Variants in ACOXL observed in about 807,000 individuals in gnomAD.
ACOXL encodes the protein acyl-CoA oxidase like.
In ACOXL, 70 loss-of-function variants were observed where a neutral mutation model predicts 71.9. That is an observed-to-expected ratio of 0.97 (90% CI 0.80 to 1.19). The LOEUF (loss-of-function observed/expected upper bound fraction) is 1.19, where lower values mean the gene tolerates loss of function less well. Ranked by LOEUF, ACOXL falls within the 50% of genes most tolerant of loss-of-function variation. The pLI is 0.00. For synonymous variants in ACOXL, 253 were observed against 281.6 expected (o/e 0.90, Z 1.02); for missense variants, 703 against 736.3 (o/e 0.95, Z 0.52).
Position 110,779,183 on chromosome 2 carries a change from C to T in ACOXL, c.76-5549C>T, listed in dbSNP as rs113244189. Among the ~76,000 whole-genome samples, 80 of 152,336 alleles carry T rather than the reference C, an allele frequency of 5.3e-4. 1 individual carries two copies. Among genetic ancestry groups the T allele is most frequent in the African/African-American group, 1.8e-3 (74 of 41,580 alleles). On this transcript the variant is annotated intron_variant, in intron 2 of 17. Transcript: ENST00000439055. ...CACCTTTCATCAATCCTGCACTGGG[C>T]TTTCCTGGAGTAGTCAAAGGCCCTT...
chr2:111,066,318 T>C (rs1303770302), intron 16 of ACOXL, among the ~76,000 whole-genome samples: 1 of 152,182 alleles, frequency 6.6e-6, no homozygotes, highest in Non-Finnish European at 1.5e-5. Flanking sequence ...ATACCAGTCT[T>C]GATATGACAA....
Position 110,888,415 on chromosome 2 carries a change from C to T in ACOXL, c.789-20374C>T, listed in dbSNP as rs1278510471. On this transcript the variant is annotated intron_variant, in intron 10 of 17. Transcript: ENST00000439055. Reference sequence around the variant, plus strand: ...CCCCGTGGATGCACCCAGCAGAGGCCCCACATGTGGCAGATAGAGTGTTGC... The same window carrying T: ...CCCCGTGGATGCACCCAGCAGAGGCTCCACATGTGGCAGATAGAGTGTTGC... 3.9e-5 allele frequency among the ~76,000 whole-genome samples: 6 copies of T among 152,062 alleles called. No individual in the cohort carries two copies. In the South Asian group the frequency reaches 1.0e-3, roughly 26 times the overall value.
chr2:111,020,315 C>T (rs774604859), intron 14 of ACOXL, among the ~76,000 whole-genome samples: 7 of 152,146 alleles, frequency 4.6e-5, no homozygotes, highest in Admixed American at 2.6e-4. Flanking sequence ...GTCAGAGCAG[C>T]GCTCGCATGG....
chr2:111,064,758 A>G (rs1022010662), intron 16 of ACOXL, among the ~76,000 whole-genome samples: 23 of 152,238 alleles, frequency 1.5e-4, no homozygotes, highest in Non-Finnish European at 2.6e-4. Context: ...CACCATGTAC[A>G]ATGTCTCAAA....
rs550898199 is a variant in ACOXL, at chr2:111,006,429, C to T, written c.1281+10425C>T. Reference sequence around the variant, plus strand: ...CTGGGGAGACCTAGGAGTGTACAAGCGGGAACATCTGAGGCCAATTGTAAC... The same window carrying T: ...CTGGGGAGACCTAGGAGTGTACAAGTGGGAACATCTGAGGCCAATTGTAAC... On this transcript the variant is annotated intron_variant, in intron 14 of 17. Coordinates refer to ENST00000439055, the MANE Select transcript of ACOXL (RefSeq NM_001142807.4). 8.5e-5 allele frequency among the ~76,000 whole-genome samples: 13 copies of T among 152,294 alleles called. No homozygotes were observed. The East Asian group carries it at 9.7e-4, about 11-fold the overall frequency.
At chr2:110,770,120 G>C (rs907329745) in intron 2 of ACOXL, among the ~76,000 whole-genome samples, 2 of 152,144 alleles carry the variant, frequency 1.3e-5, no homozygotes, top group Non-Finnish European at 2.9e-5. Flanking sequence ...CCTGAACTAG[G>C]GTAGCTGCAG....
chr2:111,094,532 G>A (rs1001550259), intron 17 of ACOXL, among the ~76,000 whole-genome samples: 4 of 152,196 alleles, frequency 2.6e-5, no homozygotes, highest in African/African-American at 4.8e-5. Context: ...GGGTGAAAGC[G>A]AGAGAGAAGG....
At chr2:111,015,973 C>A (rs932767343) in intron 14 of ACOXL, among the ~76,000 whole-genome samples, 82 of 152,248 alleles carry the variant, frequency 5.4e-4, no homozygotes, top group Non-Finnish European at 4.4e-5. Flanking sequence ...TACTCTGTTG[C>A]CCAGGCTGGA....
chr2:110,877,004 G>C (rs1392381978), intron 10 of ACOXL, among the ~76,000 whole-genome samples: 1 of 152,208 alleles, frequency 6.6e-6, no homozygotes. Flanking sequence ...CCATGCTCTG[G>C]TGGCTTATTG....
At chr2:110,735,858 T>A (rs1218965910) in intron 1 of ACOXL, among the ~76,000 whole-genome samples, 1 of 152,176 alleles carries the variant, frequency 6.6e-6, no homozygotes, top group South Asian at 2.1e-4. Context: ...TTTCTGAGTT[T>A]GTTTATTGGT....
intron 15 of ACOXL, 35 bp from the exon 16 acceptor site, chr2:111,049,183 G>A: frequency 6.6e-7 from 1 of 1,524,950 alleles, no homozygotes; most frequent in African/African-American, 1.4e-5. Context: ...AGGCGGAAGT[G>A]AAGTCATTCA....
chr2:111,038,086 T>A (rs909066057), intron 15 of ACOXL, among the ~76,000 whole-genome samples: 5 of 152,202 alleles, frequency 3.3e-5, no homozygotes, highest in African/African-American at 1.2e-4. Context: ...CAGTGAGGGC[T>A]CAGCCTATCA....
chr2:111,107,300 ATCCTATGCT>A (rs1261763204), intron 17 of ACOXL, among the ~76,000 whole-genome samples: 10 of 152,208 alleles, frequency 6.6e-5, no homozygotes, highest in Non-Finnish European at 1.0e-4. Flanking sequence ...CATTCCTTGA[ATCCTATGCT>A]TCCTAGATAG....
chr2:111,021,168 C>T (rs113992887), intron 14 of ACOXL, among the ~76,000 whole-genome samples: 12 of 152,188 alleles, frequency 7.9e-5, no homozygotes, highest in Non-Finnish European at 1.2e-4. Flanking sequence ...GTGGCAGGGG[C>T]GAAGGGTAGA....
intron 14 of ACOXL, among the ~76,000 whole-genome samples, chr2:111,003,733 G>A (rs572774736): frequency 6.6e-6 from 1 of 151,928 alleles, no homozygotes; most frequent in Non-Finnish European, 1.5e-5. Context: ...CCTTGCACTC[G>A]TGTTAAATAT....
chr2:110,751,017 G>A (rs142428358), intron 1 of ACOXL, among the ~76,000 whole-genome samples: 1 of 151,932 alleles, frequency 6.6e-6, no homozygotes, highest in African/African-American at 2.4e-5. Flanking sequence ...TTAGACATGC[G>A]GCTGGGCGCG....
chr2:110,822,592 A>C (rs1029934140), intron 9 of ACOXL, among the ~76,000 whole-genome samples: 1 of 152,164 alleles, frequency 6.6e-6, no homozygotes, highest in Admixed American at 6.5e-5. Flanking sequence ...AGGTTGCTTA[A>C]TACATATGTC....
At chr2:111,015,218 A>G (rs940124103) in intron 14 of ACOXL, among the ~76,000 whole-genome samples, 1 of 152,240 alleles carries the variant, frequency 6.6e-6, no homozygotes, top group Non-Finnish European at 1.5e-5. Context: ...CAATACCTGT[A>G]TCTGGCAAAA....
At chr2:110,987,547 C>T (rs1371773469) in intron 13 of ACOXL, among the ~76,000 whole-genome samples, 2 of 152,142 alleles carry the variant, frequency 1.3e-5, no homozygotes, top group Admixed American at 6.5e-5. Flanking sequence ...GGTTAAGTAC[C>T]TTGCTCAAGG....
Sources: gnomAD v4.1 joint callset for allele counts (sites outside exome capture counted in the v4.1 genomes callset) on GRCh38, gnomAD v4.1.1 for gene constraint, MANE v1.5 for transcripts, NCBI Gene and HGNC (gene_info 2026-07-23, HGNC 2026-07-21) for gene names.